The following LAMB4 variants were observed in gnomAD, a reference collection of about 807,000 sequenced individuals.
LAMB4 encodes laminin subunit beta 4, also known as laminin subunit beta-4.
Under a neutral mutation model 199.2 loss-of-function variants are expected in LAMB4, and 196 were observed. The ratio of observed to expected loss-of-function variants is 0.98; its 90% CI spans 0.88 to 1.11. LAMB4 has a LOEUF of 1.11. Ranked by LOEUF, LAMB4 falls within the 50% of genes least tolerant of loss-of-function variation. LAMB4 has a pLI of 0.00. For missense variants in LAMB4, 2,080 were observed against 2,171.2 expected, an observed-to-expected ratio of 0.96 and a Z score of 0.83; for synonymous variants, 744 against 770.6, an observed-to-expected ratio of 0.97 and a Z score of 0.57.
intron 29 of LAMB4, among the ~76,000 whole-genome samples, chr7:108,038,442 G>A (rs1390948676): frequency 1.3e-5 from 2 of 152,210 alleles, no homozygotes; most frequent in Non-Finnish European, 2.9e-5. Context: ...ATACAGGCAT[G>A]AGCCACTGTG....
chr7:108,091,797 C>T, intron 13 of LAMB4, 21 bp from the exon 14 acceptor site: 4 of 1,610,632 alleles, frequency 2.5e-6, no homozygotes, highest in Non-Finnish European at 2.5e-6. Flanking sequence ...AGCAATTCAT[C>T]ATGAAAAAAT....
At position 108,024,116 on chromosome 7, in the gene LAMB4, T is replaced by C. The variant is rs2034753882; in HGVS notation, c.5209A>G (p.Ile1737Val). 2 of 1,603,968 alleles carry C rather than the reference T, an allele frequency of 1.2e-6. No homozygotes were observed. Among genetic ancestry groups the C allele is most frequent in the Non-Finnish European group, 1.7e-6 (2 of 1,173,250 alleles). The change falls in exon 34 of 34, where the codon ATA becomes GTA. Residue 1737 changes from isoleucine (I) to valine (V), a missense_variant. Ile to Val is a conservative substitution (Grantham distance 29). Coordinates refer to ENST00000388781, the MANE Select transcript of LAMB4 (RefSeq NM_007356.3). ...SRQAKADQLR[I>V]LEDQVVAIKN... Reference sequence around the variant, plus strand: ...ATGGCAACAACTTGATCTTCCAATATTCTCAGTTGATCAGCTTTTGCTTGT... The same window carrying C: ...ATGGCAACAACTTGATCTTCCAATACTCTCAGTTGATCAGCTTTTGCTTGT...
chr7:108,118,798 C>T (rs572024219), intron 2 of LAMB4, among the ~76,000 whole-genome samples: 2 of 151,194 alleles, frequency 1.3e-5, no homozygotes, highest in East Asian at 1.9e-4. Context: ...AAAATTGGAC[C>T]GTGTCAAAAT....
chr7:108,054,104 C>G (rs1229409070), intron 25 of LAMB4, among the ~76,000 whole-genome samples: 1 of 152,144 alleles, frequency 6.6e-6, no homozygotes, highest in Non-Finnish European at 1.5e-5. Flanking sequence ...TTCACTGCAG[C>G]CTTGAACTCC....
In LAMB4 at chr7:108,121,224, A is replaced by G. The variant is rs543891958; in HGVS notation, c.34+1907T>C. ...ACTTTAAGAATGTTATGAAATTCCAAAATGAATTTAGGAGATCTGGTCATT... is the reference window on the plus strand; with the variant it reads ...ACTTTAAGAATGTTATGAAATTCCAGAATGAATTTAGGAGATCTGGTCATT... On this transcript the variant is annotated intron_variant, in intron 2 of 33. Coordinates refer to ENST00000388781, the MANE Select transcript of LAMB4 (RefSeq NM_007356.3). Among the ~76,000 whole-genome samples, 4 of 152,388 alleles carry G rather than the reference A, an allele frequency of 2.6e-5. No homozygotes were observed. In the East Asian group the frequency reaches 7.7e-4, roughly 29 times the overall value.
downstream of LAMB4, among the ~76,000 whole-genome samples, chr7:108,020,507 C>T (rs1405255899): frequency 6.7e-6 from 1 of 150,272 alleles, no homozygotes; most frequent in African/African-American, 2.4e-5. Flanking sequence ...AAAAAGTATG[C>T]ATGTTGTTGT....
chr7:108,032,104 T>G (rs2035058947), intron 31 of LAMB4, among the ~76,000 whole-genome samples: 1 of 152,160 alleles, frequency 6.6e-6, no homozygotes, highest in South Asian at 2.1e-4. Flanking sequence ...TAAAGGCAAT[T>G]TGTGGCTGGG....
chr7:108,036,238 G>A (rs1007139622), intron 30 of LAMB4, among the ~76,000 whole-genome samples: 19 of 150,718 alleles, frequency 1.3e-4, no homozygotes, highest in Middle Eastern at 3.2e-3. Context: ...TGCCCAGGCT[G>A]GAGTGCAACG....
intron 33 of LAMB4, among the ~76,000 whole-genome samples, chr7:108,028,246 G>C (rs1419434937): frequency 6.6e-6 from 1 of 152,054 alleles, no homozygotes; most frequent in Non-Finnish European, 1.5e-5. Context: ...TTTCATGAGA[G>C]GAAAAATAAA....
chr7:108,092,722 C>T (rs533919944), intron 12 of LAMB4, among the ~76,000 whole-genome samples: 9 of 152,106 alleles, frequency 5.9e-5, no homozygotes, highest in African/African-American at 1.2e-4. Flanking sequence ...CCTGGCCAAC[C>T]ATGGTGAAAC....
the LAMB4 span, among the ~76,000 whole-genome samples, chr7:108,011,724 T>G: frequency 1.3e-5 from 2 of 152,156 alleles, no homozygotes; most frequent in Non-Finnish European, 2.9e-5. Context: ...CGGCCCACTC[T>G]CATTCTTTAG....
intron 18 of LAMB4, among the ~76,000 whole-genome samples, chr7:108,069,098 C>G (rs767428401): frequency 2.6e-5 from 4 of 152,204 alleles, no homozygotes; most frequent in Non-Finnish European, 4.4e-5. Flanking sequence ...ATTCAGGAAG[C>G]CTCGGCTGTC....
chr7:108,038,241 C>A (rs1393960186), intron 29 of LAMB4, among the ~76,000 whole-genome samples: 1 of 151,874 alleles, frequency 6.6e-6, no homozygotes, highest in African/African-American at 2.4e-5. Flanking sequence ...CTTACTGCAA[C>A]CTCTGACTTC....
intron 1 of LAMB4, among the ~76,000 whole-genome samples, chr7:108,127,057 G>A (rs117805065): frequency 0.016 from 2,416 of 152,148 alleles, 19 homozygotes; most frequent in Non-Finnish European, 0.026. Context: ...CTGATGGCTT[G>A]CCAATACCTA....
rs182251875 is a variant in LAMB4 at position 108,024,679 on chromosome 7, G to A, written c.5147-501C>T. ...TATCCATCCATCAATCCATTGATCCGTCGACCCATCCATTGACCCATCCAT... is the reference window on the plus strand; with the variant it reads ...TATCCATCCATCAATCCATTGATCCATCGACCCATCCATTGACCCATCCAT... On this transcript the variant is annotated intron_variant, in intron 33 of 33. Coordinates refer to ENST00000388781, the MANE Select transcript of LAMB4 (RefSeq NM_007356.3). Among the ~76,000 whole-genome samples the A allele has an allele frequency of 2.0e-3, 293 of 150,164 alleles. 1 individual carries two copies. Among genetic ancestry groups the A allele is most frequent in the African/African-American group, 7.2e-3 (284 of 39,704 alleles).
chr7:108,017,565 G>A, the LAMB4 span, among the ~76,000 whole-genome samples: 7 of 152,324 alleles, frequency 4.6e-5, no homozygotes, highest in East Asian at 1.9e-4. Flanking sequence ...TTAAACGTGT[G>A]CAAATGCATG....
chr7:108,081,165 T>C (rs1269087783), intron 14 of LAMB4, among the ~76,000 whole-genome samples: 2 of 152,190 alleles, frequency 1.3e-5, no homozygotes, highest in Non-Finnish European at 2.9e-5. Context: ...ACACTGTAGG[T>C]GCCCCTCCCA....
intron 17 of LAMB4, among the ~76,000 whole-genome samples, chr7:108,076,190 C>A (rs1348299366): frequency 2.6e-5 from 4 of 151,732 alleles, no homozygotes; most frequent in African/African-American, 9.7e-5. Context: ...AAAATAGAAG[C>A]AACTTATATG....
In LAMB4 at chr7:108,107,692, C is replaced by T. The variant is rs1174200488; in HGVS notation, c.530G>A (p.Gly177Glu). ...GGAGTCACAAACAATGTCTCCCACT[C>T]CCTGGGCCTGGCCAGATGTGATGTT... ...FPNITSGQAQ[G>E]VGDIVCDSKY... is the part of the protein sequence containing the mutation. The change falls in exon 6 of 34, where the codon GGA (glycine) becomes GAA (glutamate). Residue 177 changes from glycine (G) to glutamate (E), a missense_variant. By Grantham distance (98) the Gly-to-Glu change is moderately conservative. Transcript: ENST00000388781. The T allele has an allele frequency of 1.2e-6, 2 of 1,613,638 alleles. No individual in the cohort carries two copies. Among genetic ancestry groups the T allele is most frequent in the Non-Finnish European group, 8.5e-7 (1 of 1,179,868 alleles).
Sources: allele counts gnomAD v4.1 joint callset (sites outside exome capture counted in the v4.1 genomes callset), GRCh38; gene constraint gnomAD v4.1.1; transcripts MANE v1.5; gene names NCBI Gene and HGNC (gene_info 2026-07-23, HGNC 2026-07-21).